Variants in PCLO observed in about 807,000 individuals in gnomAD.
The protein encoded by PCLO is piccolo presynaptic cytomatrix protein.
A neutral mutation model predicts 427.5 loss-of-function variants in PCLO; 82 were observed. That is an observed-to-expected ratio of 0.19 (90% CI 0.16 to 0.23). PCLO has a LOEUF of 0.23. Ranked by LOEUF, PCLO falls within the 10% of genes least tolerant of loss-of-function variation. The pLI, the probability that PCLO is intolerant of heterozygous loss-of-function variation, is 1.00. For synonymous variants in PCLO, 2,357 were observed against 2,155.4 expected (o/e 1.09, Z -2.59); for missense variants, 6,239 against 6,115.9 (o/e 1.02, Z -0.67).
intron 10 of PCLO, among the ~76,000 whole-genome samples, 175 bp from the exon 11 acceptor site, chr7:82,847,422 A>G (rs1026648429): frequency 6.6e-6 from 1 of 152,198 alleles, no homozygotes; most frequent in Non-Finnish European, 1.5e-5. Context: ...GTTTGATCTC[A>G]TTAACTTACC....
At chr7:83,125,194 A>C (rs898014160) in intron 3 of PCLO, among the ~76,000 whole-genome samples, 1 of 151,632 alleles carries the variant, frequency 6.6e-6, no homozygotes, top group Non-Finnish European at 1.5e-5. Flanking sequence ...GGAAGTGAGG[A>C]GCCTCTCTGC....
At chr7:82,860,398 A>C (rs955753318) in intron 10 of PCLO, among the ~76,000 whole-genome samples, 4 of 152,144 alleles carry the variant, frequency 2.6e-5, no homozygotes, top group African/African-American at 9.7e-5. Flanking sequence ...AGGGAGAGTG[A>C]TATGACTTAT....
At chr7:82,847,300 G>A in intron 10 of PCLO, 53 bp from the exon 11 acceptor site, 5 of 973,484 alleles carry the variant, frequency 5.1e-6, no homozygotes, top group Non-Finnish European at 6.3e-6. Flanking sequence ...TCTAGTCTGG[G>A]TACATATGGC....
At chr7:82,903,020 ATGTT>A (rs1221985595) in intron 8 of PCLO, among the ~76,000 whole-genome samples, 6 of 152,020 alleles carry the variant, frequency 3.9e-5, no homozygotes, top group Non-Finnish European at 7.4e-5. Context: ...GTTCTGAAGA[ATGTT>A]TGTTACTACA....
intron 20 of PCLO, chr7:82,820,657 T>A: frequency 8.1e-7 from 1 of 1,230,834 alleles, no homozygotes; most frequent in Non-Finnish European, 1.0e-6. Flanking sequence ...TTCCTTTACT[T>A]TCCTCTAAGA....
At chr7:83,021,833 G>C (rs1181633319) in intron 3 of PCLO, among the ~76,000 whole-genome samples, 1 of 152,158 alleles carries the variant, frequency 6.6e-6, no homozygotes, top group Non-Finnish European at 1.5e-5. Context: ...AGATAAGAAA[G>C]AGGCAAGAAA....
intron 3 of PCLO, among the ~76,000 whole-genome samples, chr7:83,108,167 G>GA (rs1263224179): frequency 6.6e-6 from 1 of 151,818 alleles, no homozygotes; most frequent in East Asian, 1.9e-4. Flanking sequence ...ACATGTGAGA[G>GA]AAAAAAATCT....
At chr7:83,093,489 TATA>T (rs200818317) in intron 3 of PCLO, among the ~76,000 whole-genome samples, 2 of 85,098 alleles carry the variant, frequency 2.4e-5, no homozygotes, top group Non-Finnish European at 2.3e-5. Context: ...TATATATATA[TATA>T]TTTTTTTTTT....
chr7:82,948,592 T>C (rs1795257244), intron 6 of PCLO, among the ~76,000 whole-genome samples: 1 of 152,152 alleles, frequency 6.6e-6, no homozygotes, highest in Admixed American at 6.6e-5. Flanking sequence ...AGCTATTATA[T>C]CTATCAATCA....
chr7:82,862,772 T>G (rs1044957683), intron 10 of PCLO, among the ~76,000 whole-genome samples: 1 of 151,936 alleles, frequency 6.6e-6, no homozygotes, highest in African/African-American at 2.4e-5. Flanking sequence ...ACATCGCATG[T>G]TCTCGATTAT....
chr7:82,824,518 G>T (rs905331642), intron 18 of PCLO, 102 bp from the exon 19 acceptor site: 5 of 659,990 alleles, frequency 7.6e-6, no homozygotes, highest in Non-Finnish European at 9.9e-6. Flanking sequence ...ATAAACCAAG[G>T]AATACAGTAT....
At chr7:82,988,082 T>C (rs2115821086) in intron 3 of PCLO, among the ~76,000 whole-genome samples, 1 of 152,296 alleles carries the variant, frequency 6.6e-6, no homozygotes, top group Non-Finnish European at 1.5e-5. Flanking sequence ...AAATAGTTTA[T>C]ATAAAATTTA....
chr7:83,019,862 A>G (rs2116049529), intron 3 of PCLO, among the ~76,000 whole-genome samples: 1 of 152,242 alleles, frequency 6.6e-6, no homozygotes, highest in South Asian at 2.1e-4. Flanking sequence ...AAATTTAAAT[A>G]CCAGAAAGAT....
In PCLO at chr7:82,950,589, C is replaced by T. The variant is rs754163016; in HGVS notation, c.9999G>A (p.Glu3333=). The change falls in exon 6 of 25, where the codon GAG becomes GAA. Residue 3333 remains glutamate, a synonymous_variant. Coordinates refer to ENST00000333891, the MANE Select transcript of PCLO (RefSeq NM_033026.6). The part of the protein sequence containing the change: ...SGTASPQTTT[E]QAILEGQYAA... ...CATACTGACCTTCCAAAATTGCCTGCTCTGTAGTGGTTTGTGGAGAAGCAG... is the reference window on the plus strand; with the variant it reads ...CATACTGACCTTCCAAAATTGCCTGTTCTGTAGTGGTTTGTGGAGAAGCAG... 1 of 1,613,846 alleles carries T rather than the reference C, an allele frequency of 6.2e-7. No homozygotes were observed. The highest frequency in any genetic ancestry group is 1.7e-5 in the Admixed American group (1 of 60,004).
chr7:82,826,623 T>A lies in PCLO; in HGVS notation c.14381A>T (p.Tyr4794Phe). Residue 4794 changes from tyrosine to phenylalanine, a missense_variant, in exon 18 of 25, where the codon TAT becomes TTT. Physicochemically the swap from Tyr to Phe is conservative, Grantham distance 22. This residue lies in a region of PCLO where 877 missense variants were observed against 925.5 expected (regional missense o/e 0.95). Transcript: ENST00000333891. Reference sequence around the variant, plus strand: ...GAAGTCGTTGGATGAAAATCTATCATAATCCCAAACTGTCACCTCCAGTGT... The same window carrying A: ...GAAGTCGTTGGATGAAAATCTATCAAAATCCCAAACTGTCACCTCCAGTGT... Reference protein sequence around the residue: ...KKTLEVTVWDYDRFSSNDFLG... With the variant: ...KKTLEVTVWDFDRFSSNDFLG... The A allele has an allele frequency of 6.2e-7, 1 of 1,608,232 alleles. No individual in the cohort carries two copies. The highest frequency in any genetic ancestry group is 8.5e-7 in the Non-Finnish European group (1 of 1,176,442).
chr7:83,152,016 A>C (rs538921950), intron 2 of PCLO, among the ~76,000 whole-genome samples: 1 of 151,778 alleles, frequency 6.6e-6, no homozygotes, highest in Non-Finnish European at 1.5e-5. Context: ...CCAGGCTGGA[A>C]TGCAGTGGCG....
intron 3 of PCLO, among the ~76,000 whole-genome samples, chr7:83,022,177 T>C (rs748180842): frequency 1.3e-5 from 2 of 152,006 alleles, no homozygotes; most frequent in East Asian, 1.9e-4. Context: ...TCCTCCCCCA[T>C]GAAAGGACAC....
intron 10 of PCLO, among the ~76,000 whole-genome samples, chr7:82,858,775 T>A (rs1207398503): frequency 1.3e-5 from 2 of 152,026 alleles, no homozygotes; most frequent in African/African-American, 4.8e-5. Flanking sequence ...GAAAAATCTA[T>A]GCACTGAAAA....
At chr7:82,888,946 C>A (rs1481592188) in intron 9 of PCLO, among the ~76,000 whole-genome samples, 2 of 151,334 alleles carry the variant, frequency 1.3e-5, no homozygotes, top group Non-Finnish European at 2.9e-5. Context: ...CAAGTTCCCC[C>A]CGCCCCCTGC....
Sources: gnomAD v4.1 joint callset for allele counts (sites outside exome capture counted in the v4.1 genomes callset) on GRCh38, gnomAD v4.1.1 for gene constraint, gnomAD v4.1.1 regional missense constraint, MANE v1.5 for transcripts, NCBI Gene and HGNC (gene_info 2026-07-23, HGNC 2026-07-21) for gene names.